Variants in PTPRQ observed in about 807,000 individuals in gnomAD.
PTPRQ encodes the protein protein tyrosine phosphatase receptor type Q.
In PTPRQ, 199 loss-of-function variants were observed where a neutral mutation model predicts 246.0. The ratio of observed to expected loss-of-function variants is 0.81; its 90% CI spans 0.72 to 0.91. The LOEUF is 0.91. PTPRQ is among the 40% of genes least tolerant of loss of function. PTPRQ has a pLI of 0.00. For synonymous variants in PTPRQ, 869 were observed against 853.2 expected (o/e 1.02, Z -0.32); for missense variants, 2,624 against 2,528.4 (o/e 1.04, Z -0.81).
chr12:80,456,368 A>C (rs1273668415), intron 3 of PTPRQ, among the ~76,000 whole-genome samples: 2 of 152,178 alleles, frequency 1.3e-5, no homozygotes, highest in Non-Finnish European at 2.9e-5. Context: ...ATTTGTGATG[A>C]CTATTTCATG....
intron 8 of PTPRQ, among the ~76,000 whole-genome samples, chr12:80,482,130 C>T (rs993794371): frequency 2.0e-5 from 3 of 151,986 alleles, no homozygotes; most frequent in Non-Finnish European, 2.9e-5. Context: ...AACTATACTA[C>T]AAGGCTACAG....
chr12:80,664,768 A>T (rs1900735052), intron 39 of PTPRQ, among the ~76,000 whole-genome samples: 3 of 152,010 alleles, frequency 2.0e-5, no homozygotes, highest in Non-Finnish European at 4.4e-5. Flanking sequence ...ACTACTCAGA[A>T]AATTAGCCTT....
chr12:80,480,908 G>T (rs1894023391), intron 8 of PTPRQ, among the ~76,000 whole-genome samples: 1 of 152,144 alleles, frequency 6.6e-6, no homozygotes, highest in Non-Finnish European at 1.5e-5. Context: ...AAAGAGTCCA[G>T]GACCGGATGG....
At chr12:80,446,956 C>G in intron 3 of PTPRQ, among the ~76,000 whole-genome samples, 1 of 152,048 alleles carries the variant, frequency 6.6e-6, no homozygotes, top group Admixed American at 6.6e-5. Context: ...GGGTTGAATA[C>G]GGTAGATCTA....
rs1290601011 is a variant in PTPRQ at position 80,480,171 on chromosome 12, A to G, written c.1187-4262A>G. 9.2e-5 allele frequency among the ~76,000 whole-genome samples: 14 copies of G among 152,100 alleles called. 1 individual carries two copies. Among genetic ancestry groups the G allele is most frequent in the South Asian group, 4.1e-4 (2 of 4,826 alleles). ...AAAAGAACAGAAATTATAACAAACT[A>G]TCTCTGAGACCACAGTGCAATCAAA... On this transcript the variant is annotated intron_variant, in intron 8 of 44. Transcript: ENST00000644991.
intron 10 of PTPRQ, among the ~76,000 whole-genome samples, chr12:80,494,574 C>T (rs1390528093): frequency 4.0e-5 from 6 of 151,824 alleles, no homozygotes; most frequent in Non-Finnish European, 7.4e-5. Flanking sequence ...TTATTGCCTA[C>T]TCTTTCTTTT....
At position 80,679,642 on chromosome 12, in the gene PTPRQ, G is replaced by A. The variant is rs892062210; in HGVS notation, c.*619G>A. ...CACTTAGGGCTATTTAATTTGCATTGTGATCTTCAGTTTGAGAACCTTAAA... is the reference window on the plus strand; with the variant it reads ...CACTTAGGGCTATTTAATTTGCATTATGATCTTCAGTTTGAGAACCTTAAA... On this transcript the variant is annotated 3_prime_UTR_variant, in exon 45 of 45. Coordinates refer to ENST00000644991, the MANE Select transcript of PTPRQ (RefSeq NM_001145026.2). 10 of 151,990 alleles carry A rather than the reference G, an allele frequency of 6.6e-5. No individual in the cohort carries two copies. The highest frequency in any genetic ancestry group is 2.9e-5 in the Non-Finnish European group (2 of 67,968). 9.4% of individuals were successfully genotyped at this position (151,990 alleles called of 1,614,324 possible).
chr12:80,507,459 A>G (rs1397218869), intron 16 of PTPRQ, among the ~76,000 whole-genome samples: 1 of 151,670 alleles, frequency 6.6e-6, no homozygotes, highest in Non-Finnish European at 1.5e-5. Flanking sequence ...CTTTCTTTCA[A>G]GTTTCCCCAT....
At chr12:80,640,769 T>G (rs1176008307) in intron 35 of PTPRQ, among the ~76,000 whole-genome samples, 1 of 152,186 alleles carries the variant, frequency 6.6e-6, no homozygotes, top group Non-Finnish European at 1.5e-5. Context: ...ATATTTCTAT[T>G]TACAACATGT....
chr12:80,549,373 A>T (rs1420463115), intron 24 of PTPRQ, 92 bp from the exon 25 acceptor site: 1 of 1,385,544 alleles, frequency 7.2e-7, no homozygotes, highest in Non-Finnish European at 9.5e-7. Flanking sequence ...TCTAGTTCTA[A>T]ACACAGATGT....
chr12:80,524,563 T>A (rs899807884), intron 17 of PTPRQ, among the ~76,000 whole-genome samples: 3 of 152,178 alleles, frequency 2.0e-5, no homozygotes, highest in Non-Finnish European at 4.4e-5. Flanking sequence ...TGGTGGGGGA[T>A]ATACTGAGGT....
At chr12:80,628,978 A>C (rs1263739314) in intron 33 of PTPRQ, among the ~76,000 whole-genome samples, 1 of 152,162 alleles carries the variant, frequency 6.6e-6, no homozygotes, top group Non-Finnish European at 1.5e-5. Context: ...CTCACAGTCC[A>C]GAAGGCTAGA....
chr12:80,448,058 A>G (rs1285604191), intron 3 of PTPRQ, among the ~76,000 whole-genome samples: 1 of 152,026 alleles, frequency 6.6e-6, no homozygotes, highest in Non-Finnish European at 1.5e-5. Flanking sequence ...GTCATCTCTA[A>G]TTTATTTCAT....
chr12:80,569,551 AAAAAC>A lies in PTPRQ; in HGVS notation c.4286-18563_4286-18559del, dbSNP rs985605689. On this transcript the variant is annotated intron_variant, in intron 25 of 44. Transcript: ENST00000644991. ...ACTTACAGTATAATAATAATAAATT[AAAAAC>A]AAAACAAAACAAAAAGAACAAAACA... is the stretch of plus-strand genomic sequence containing the variant. 5.9e-5 allele frequency among the ~76,000 whole-genome samples: 9 copies of A among 152,220 alleles called. No individual in the cohort carries two copies. The South Asian group carries it at 1.5e-3, about 25-fold the overall frequency.
intron 25 of PTPRQ, among the ~76,000 whole-genome samples, chr12:80,556,249 G>A (rs541963107): frequency 1.8e-3 from 279 of 152,160 alleles, no homozygotes; most frequent in Non-Finnish European, 2.5e-3. Flanking sequence ...AGATGGTTTC[G>A]AACTCCTGAC....
chr12:80,649,068 A>C, intron 36 of PTPRQ, 145 bp downstream of exon 36: 1 of 731,532 alleles, frequency 1.4e-6, no homozygotes, highest in Non-Finnish European at 2.0e-6. Context: ...AGCATGACTA[A>C]TTGCATGGTA....
At position 80,496,466 on chromosome 12, in the gene PTPRQ, C is replaced by A; in HGVS notation, c.2207C>A (p.Ser736Tyr). Residue 736 changes from serine (S) to tyrosine (Y), a missense_variant, in exon 14 of 45, where the codon TCT (serine) becomes TAT (tyrosine). Physicochemically the swap from Ser to Tyr is moderately radical, Grantham distance 144. Transcript: ENST00000644991. ...ACCCTCTATAACATTTCTGTAAGGT[C>A]TTACACCAGATTTGGTCATGGCAAT... ...PHTLYNISVR[S>Y]YTRFGHGNQV... The A allele has an allele frequency of 1.3e-6, 2 of 1,550,570 alleles. No individual in the cohort carries two copies. The highest frequency in any genetic ancestry group is 4.9e-5 in the East Asian group (2 of 40,868).
intron 16 of PTPRQ, among the ~76,000 whole-genome samples, chr12:80,507,378 T>G (rs1894996611): frequency 6.6e-6 from 1 of 152,000 alleles, no homozygotes; most frequent in South Asian, 2.1e-4. Flanking sequence ...TAAAAGGAAT[T>G]CCTATTTCCA....
intron 25 of PTPRQ, among the ~76,000 whole-genome samples, chr12:80,558,119 C>CTTTCTTTTCTTTTTTCTTTTCT (rs1555198001): frequency 1.0e-4 from 10 of 95,680 alleles, no homozygotes; most frequent in African/African-American, 4.5e-4. Context: ...TCTTTTCTTT[C>CTTTCTTTTCTTTTTTCTTTTCT]TTTCTTTTCT....
Sources: allele counts gnomAD v4.1 joint callset (sites outside exome capture counted in the v4.1 genomes callset), GRCh38; gene constraint gnomAD v4.1.1; transcripts MANE v1.5; gene names NCBI Gene and HGNC (gene_info 2026-07-23, HGNC 2026-07-21).